SPPL2A: variants seen among roughly 807,000 people sequenced by gnomAD.
SPPL2A encodes the protein signal peptide peptidase like 2A, also known as signal peptide peptidase-like 2A.
A neutral mutation model predicts 63.8 loss-of-function variants in SPPL2A; 51 were observed. The observed-to-expected ratio is 0.80, with a 90% CI of 0.64 to 1.01. The LOEUF is 1.01. Ranked by LOEUF, SPPL2A falls within the 50% of genes least tolerant of loss-of-function variation. SPPL2A has a pLI of 0.00. For missense variants in SPPL2A, 553 were observed against 622.7 expected, an observed-to-expected ratio of 0.89 and a Z score of 1.19; for synonymous variants, 188 against 205.8, an observed-to-expected ratio of 0.91 and a Z score of 0.74.
chr15:50,760,027 G>C (rs547699720), intron 1 of SPPL2A, among the ~76,000 whole-genome samples: 3 of 152,178 alleles, frequency 2.0e-5, no homozygotes, highest in African/African-American at 7.2e-5. Flanking sequence ...TGAAGAACCT[G>C]AAAGTTAAAA....
intron 1 of SPPL2A, among the ~76,000 whole-genome samples, chr15:50,761,801 C>T (rs755508846): frequency 2.7e-5 from 4 of 150,836 alleles, no homozygotes; most frequent in South Asian, 2.1e-4. Flanking sequence ...CCGGGCATCA[C>T]GACGTGCACC....
At chr15:50,710,339 G>A (rs571787860) in intron 14 of SPPL2A, among the ~76,000 whole-genome samples, 147 of 152,062 alleles carry the variant, frequency 9.7e-4, no homozygotes, top group Non-Finnish European at 5.9e-5. Context: ...GTACCTCACT[G>A]GCACTATATA....
rs560781424 is a variant in SPPL2A at position 50,707,264 on chromosome 15, A to G, written c.*536T>C. 2.0e-3 allele frequency: 307 copies of G among 152,290 alleles called. 2 individuals carry two copies. The highest frequency in any genetic ancestry group is 3.3e-3 in the Non-Finnish European group (224 of 68,166). 9.4% of individuals were successfully genotyped at this position (152,290 alleles called of 1,614,324 possible). On this transcript the variant is annotated 3_prime_UTR_variant, in exon 15 of 15. Transcript: ENST00000261854. ...CTTCCCAGTAGCTGGGACTACAGGCACCCTCCACCACGCCCAGCTAATTTT... is the reference window on the plus strand; with the variant it reads ...CTTCCCAGTAGCTGGGACTACAGGCGCCCTCCACCACGCCCAGCTAATTTT...
intron 14 of SPPL2A, among the ~76,000 whole-genome samples, chr15:50,715,954 A>C (rs2062596041): frequency 6.6e-6 from 1 of 152,146 alleles, no homozygotes; most frequent in South Asian, 2.1e-4. Flanking sequence ...ATAAGGAAAT[A>C]TTATATAGCC....
intron 5 of SPPL2A, among the ~76,000 whole-genome samples, chr15:50,740,199 C>T (rs535287388): frequency 5.3e-5 from 8 of 151,768 alleles, no homozygotes; most frequent in African/African-American, 1.2e-4. Context: ...GAGGCTGAGG[C>T]GGGCGGATCA....
intron 14 of SPPL2A, among the ~76,000 whole-genome samples, chr15:50,709,958 C>T (rs2062543639): frequency 6.6e-6 from 1 of 152,018 alleles, no homozygotes; most frequent in Non-Finnish European, 1.5e-5. Context: ...CAAATCAAGA[C>T]AGATAACATT....
intron 1 of SPPL2A, among the ~76,000 whole-genome samples, chr15:50,753,837 C>A (rs1353920057): frequency 6.6e-6 from 1 of 152,080 alleles, no homozygotes; most frequent in Admixed American, 6.6e-5. Flanking sequence ...CACTCTAAAG[C>A]CCAGGCTGGA....
In SPPL2A at chr15:50,707,612, C is replaced by T. The variant is rs1277652573; in HGVS notation, c.*188G>A. The T allele has an allele frequency of 3.7e-6, 2 of 543,720 alleles. No individual in the cohort carries two copies. The highest frequency in any genetic ancestry group is 3.3e-5 in the Admixed American group (1 of 30,344). 33.7% of individuals were successfully genotyped at this position (543,720 alleles called of 1,614,324 possible). A position where few individuals can be genotyped will look rare whatever the true frequency, so the allele number is the denominator to read the frequency against. On this transcript the variant is annotated 3_prime_UTR_variant, in exon 15 of 15. Transcript: ENST00000261854. Reference sequence around the variant, plus strand: ...ATATGTTTTATTTAATGTGAAGGCACAACTTTAACATTAAAAGCAAAGCGT... The same window carrying T: ...ATATGTTTTATTTAATGTGAAGGCATAACTTTAACATTAAAAGCAAAGCGT...
chr15:50,709,620 T>A (rs2062541368), intron 14 of SPPL2A, among the ~76,000 whole-genome samples: 1 of 151,866 alleles, frequency 6.6e-6, no homozygotes, highest in Non-Finnish European at 1.5e-5. Context: ...TGAAACCCTG[T>A]CTCTACTAAA....
intron 11 of SPPL2A, 154 bp from the exon 12 acceptor site, chr15:50,725,477 G>C (rs547565926): frequency 3.2e-5 from 17 of 539,198 alleles, no homozygotes; most frequent in Middle Eastern, 5.2e-4. Context: ...GGAGTGCAGT[G>C]GCGTGATCTC....
intron 12 of SPPL2A, among the ~76,000 whole-genome samples, 167 bp from the exon 13 acceptor site, chr15:50,722,368 C>T (rs760105163): frequency 6.6e-6 from 1 of 150,550 alleles, no homozygotes; most frequent in Non-Finnish European, 1.5e-5. Flanking sequence ...TTTAAAAATA[C>T]TTAATACCAT....
chr15:50,761,228 T>C (rs749466782), intron 1 of SPPL2A, among the ~76,000 whole-genome samples: 4 of 152,140 alleles, frequency 2.6e-5, no homozygotes, highest in Non-Finnish European at 5.9e-5. Flanking sequence ...CAGGCTGGTC[T>C]GAAACTCCTA....
rs1464059259 is a variant in SPPL2A, at chr15:50,703,346, ACATATATATATTTTTTTTT to A, written c.*4435_*4453del. ...TATACATATATATATATATATATAT[ACATATATATATTTTTTTTT>A]TTTTTTTTTTTTTTTGAGATGGAGT... On this transcript the variant is annotated 3_prime_UTR_variant, in exon 15 of 15. Transcript: ENST00000261854. 3 of 73,358 alleles carry A rather than the reference ACATATATATATTTTTTTTT, an allele frequency of 4.1e-5. No individual in the cohort carries two copies. Among genetic ancestry groups the A allele is most frequent in the African/African-American group, 1.5e-4 (3 of 19,970 alleles). The allele number at this position is 73,358 out of a possible 1,614,324, so 4.5% of individuals were successfully genotyped here. A position where few individuals can be genotyped will look rare whatever the true frequency, so the allele number is the denominator to read the frequency against.
At chr15:50,719,862 A>AT (rs1284136872) in intron 14 of SPPL2A, 78 bp downstream of exon 14, 13 of 1,049,392 alleles carry the variant, frequency 1.2e-5, no homozygotes, top group Non-Finnish European at 1.8e-5. Flanking sequence ...GCTTTGCTAC[A>AT]TATAGGCTGT....
In SPPL2A at chr15:50,749,724, A is replaced by C; in HGVS notation, c.89T>G (p.Leu30Trp). ...LQLTAAQEAILHASGNGTTKD... is the reference protein window; with the variant it reads ...LQLTAAQEAIWHASGNGTTKD... ...GGTTGTGCCATTTCCAGACGCATGCAAGATTGCTTCCTGAGCGGCTGTCTA... is the reference window on the plus strand; with the variant it reads ...GGTTGTGCCATTTCCAGACGCATGCCAGATTGCTTCCTGAGCGGCTGTCTA... Residue 30 changes from leucine (L) to tryptophan (W), a missense_variant, in exon 2 of 15, where the codon TTG becomes TGG. By Grantham distance (61) the Leu-to-Trp change is moderately conservative. Coordinates refer to ENST00000261854, the MANE Select transcript of SPPL2A (RefSeq NM_032802.4). The C allele has an allele frequency of 6.2e-7, 1 of 1,613,298 alleles. No homozygotes were observed. The highest frequency in any genetic ancestry group is 8.5e-7 in the Non-Finnish European group (1 of 1,179,188).
intron 1 of SPPL2A, among the ~76,000 whole-genome samples, chr15:50,759,600 G>A (rs546432609): frequency 5.3e-5 from 8 of 152,108 alleles, no homozygotes; most frequent in Middle Eastern, 6.8e-3. Flanking sequence ...AAAATTAGCC[G>A]GGCATGGTGG....
intron 14 of SPPL2A, among the ~76,000 whole-genome samples, chr15:50,719,634 G>A (rs1016363604): frequency 3.9e-5 from 6 of 151,930 alleles, no homozygotes; most frequent in African/African-American, 1.5e-4. Flanking sequence ...TTTAAACAAC[G>A]AATTTTATCT....
In SPPL2A at chr15:50,749,320, C is replaced by T. The variant is rs28419662; in HGVS notation, c.177+316G>A. ...TTTTTTTTTCAGAGACGAAGTCTCA[C>T]CCTGTTGCCCAGGCTGGAGTGCAGT... On this transcript the variant is annotated intron_variant, in intron 2 of 14. Transcript: ENST00000261854. Among the ~76,000 whole-genome samples the T allele has an allele frequency of 3.7e-3, 556 of 152,108 alleles. 4 individuals carry two copies. The highest frequency in any genetic ancestry group is 0.013 in the African/African-American group (540 of 41,516).
rs1008255214 is a variant in SPPL2A at position 50,703,023 on chromosome 15, C to T, written c.*4777G>A. 8 of 151,792 alleles carry T rather than the reference C, an allele frequency of 5.3e-5. No individual in the cohort carries two copies. The highest frequency in any genetic ancestry group is 1.9e-4 in the African/African-American group (8 of 41,316). The allele number at this position is 151,792 out of a possible 1,614,324, so 9.4% of individuals were successfully genotyped here. A position where few individuals can be genotyped will look rare whatever the true frequency, so the allele number is the denominator to read the frequency against. ...TTGAATTTACAGAGTACTTTTCCTC[C>T]AGGAAATGTATAAAGTTATTTATTT... On this transcript the variant is annotated 3_prime_UTR_variant, in exon 15 of 15. Coordinates refer to ENST00000261854, the MANE Select transcript of SPPL2A (RefSeq NM_032802.4).
Sources: allele counts gnomAD v4.1 joint callset (sites outside exome capture counted in the v4.1 genomes callset), GRCh38; gene constraint gnomAD v4.1.1; transcripts MANE v1.5; gene names NCBI Gene and HGNC (gene_info 2026-07-23, HGNC 2026-07-21).